B3GALT1: variants seen among roughly 807,000 people sequenced by gnomAD.
B3GALT1 encodes UDP-Gal:betaGlcNAc beta 1,3-galactosyltransferase, polypeptide 1.
B3GALT1 carries 10 observed loss-of-function variants against 23.2 expected under a neutral mutation model. The observed-to-expected ratio is 0.43, with a 90% CI of 0.27 to 0.73. The LOEUF is 0.73. B3GALT1 is among the 30% of genes least tolerant of loss of function. The pLI, the probability that B3GALT1 is intolerant of heterozygous loss-of-function variation, is 0.21. For missense variants in B3GALT1, 299 were observed against 405.4 expected (o/e 0.74, Z 2.25); for synonymous variants, 156 against 141.5 (o/e 1.10, Z -0.73).
intron 2 of B3GALT1, among the ~76,000 whole-genome samples, chr2:167,620,278 A>G (rs111267809): frequency 1.3e-3 from 205 of 152,268 alleles, no homozygotes; most frequent in African/African-American, 4.3e-3. Flanking sequence ...TGGCTAACCC[A>G]TAAATACAAA....
Position 167,555,543 on chromosome 2 carries a change from C to T in B3GALT1, c.-410+65266C>T, listed in dbSNP as rs759344971. Among the ~76,000 whole-genome samples the T allele has an allele frequency of 3.9e-5, 6 of 152,152 alleles. No individual in the cohort carries two copies. The South Asian group carries it at 8.3e-4, about 21-fold the overall frequency. On this transcript the variant is annotated intron_variant, in intron 2 of 4. Coordinates refer to ENST00000392690, the MANE Select transcript of B3GALT1 (RefSeq NM_020981.4). Reference sequence around the variant, plus strand: ...TTTTTGCTTACATTTTACTTTTATACACTGTTATAAAAGCTGCTTTCCAGG... The same window carrying T: ...TTTTTGCTTACATTTTACTTTTATATACTGTTATAAAAGCTGCTTTCCAGG...
chr2:167,717,138 T>C (rs1321179811), intron 3 of B3GALT1, among the ~76,000 whole-genome samples: 1 of 152,124 alleles, frequency 6.6e-6, no homozygotes. Flanking sequence ...TTGTCTTTCA[T>C]TTTTTCTTTC....
At chr2:167,776,798 A>G (rs1407537112) in intron 3 of B3GALT1, among the ~76,000 whole-genome samples, 1 of 152,228 alleles carries the variant, frequency 6.6e-6, no homozygotes, top group East Asian at 1.9e-4. Flanking sequence ...AGACTTGAGA[A>G]TAAGATTTAG....
intron 1 of B3GALT1, among the ~76,000 whole-genome samples, chr2:167,448,110 A>G (rs568015087): frequency 6.6e-6 from 1 of 152,182 alleles, no homozygotes; most frequent in South Asian, 2.1e-4. Context: ...TTTTTTGTAT[A>G]ATGACTTCTT....
chr2:167,856,638 C>G (rs1030475909), intron 4 of B3GALT1, among the ~76,000 whole-genome samples: 11 of 152,148 alleles, frequency 7.2e-5, no homozygotes, highest in Admixed American at 5.9e-4. Flanking sequence ...TCCAAAGCAG[C>G]TGACACCAGG....
At position 167,408,707 on chromosome 2, in the gene B3GALT1, G is replaced by GA. The variant is rs1698347331; in HGVS notation, c.-510-81463dup. On this transcript the variant is annotated intron_variant, in intron 1 of 4. Coordinates refer to ENST00000392690, the MANE Select transcript of B3GALT1 (RefSeq NM_020981.4). ...ATATATGGCCAACAGCAAACAATCA[G>GA]AAAAAAATCGAGAAACCAAGCCCAT... Among the ~76,000 whole-genome samples, 3 of 138,824 alleles carry GA rather than the reference G, an allele frequency of 2.2e-5. No individual in the cohort carries two copies. The Admixed American group carries it at 2.2e-4, about 10-fold the overall frequency. The allele number at this position is 138,824 out of a possible 152,430, so 91.1% of individuals were successfully genotyped here. A position where few individuals can be genotyped will look rare whatever the true frequency, so the allele number is the denominator to read the frequency against.
intron 3 of B3GALT1, among the ~76,000 whole-genome samples, chr2:167,783,767 A>G (rs561534168): frequency 5.9e-5 from 9 of 152,276 alleles, no homozygotes; most frequent in African/African-American, 2.2e-4. Flanking sequence ...TCGGTTTCAA[A>G]TGCCAAGTCC....
intron 2 of B3GALT1, among the ~76,000 whole-genome samples, chr2:167,634,612 A>AGT (rs1685515653): frequency 6.6e-6 from 1 of 152,162 alleles, no homozygotes; most frequent in African/African-American, 2.4e-5. Flanking sequence ...GAAACTTATA[A>AGT]ATTCCTGGAC....
At chr2:167,675,296 T>C (rs1478599894) in intron 3 of B3GALT1, among the ~76,000 whole-genome samples, 1 of 152,222 alleles carries the variant, frequency 6.6e-6, no homozygotes, top group Non-Finnish European at 1.5e-5. Flanking sequence ...TCACATTGGC[T>C]CTCAACGCTG....
intron 3 of B3GALT1, among the ~76,000 whole-genome samples, chr2:167,704,017 T>TA (rs1399311622): frequency 6.6e-6 from 1 of 151,678 alleles, no homozygotes; most frequent in Non-Finnish European, 1.5e-5. Flanking sequence ...CCGTCTCTAC[T>TA]AAAAATACAA....
chr2:167,454,978 C>T (rs938809121), intron 1 of B3GALT1, among the ~76,000 whole-genome samples: 2 of 152,212 alleles, frequency 1.3e-5, no homozygotes, highest in Non-Finnish European at 2.9e-5. Flanking sequence ...TAACGAGCAG[C>T]AGTAAGCCCA....
chr2:167,448,284 T>G (rs1699034526), intron 1 of B3GALT1, among the ~76,000 whole-genome samples: 1 of 152,192 alleles, frequency 6.6e-6, no homozygotes. Flanking sequence ...TGCCGACATC[T>G]GTTTTTTTTA....
intron 3 of B3GALT1, among the ~76,000 whole-genome samples, chr2:167,799,574 G>A (rs530836162): frequency 1.3e-5 from 2 of 152,134 alleles, no homozygotes; most frequent in African/African-American, 4.8e-5. Flanking sequence ...ATATTGCAAA[G>A]GATTGTTTTT....
At chr2:167,317,956 T>C (rs966413120) in intron 1 of B3GALT1, among the ~76,000 whole-genome samples, 10 of 152,146 alleles carry the variant, frequency 6.6e-5, no homozygotes, top group African/African-American at 1.4e-4. Flanking sequence ...CAAGATCATT[T>C]GCTTAGTTAT....
At chr2:167,529,426 T>C (rs1030550022) in intron 2 of B3GALT1, among the ~76,000 whole-genome samples, 3 of 151,800 alleles carry the variant, frequency 2.0e-5, no homozygotes, top group African/African-American at 7.2e-5. Flanking sequence ...TTCTTGACAT[T>C]TGCCTCTTTG....
At chr2:167,452,669 A>G (rs1574085359) in intron 1 of B3GALT1, among the ~76,000 whole-genome samples, 1 of 152,092 alleles carries the variant, frequency 6.6e-6, no homozygotes, top group Non-Finnish European at 1.5e-5. Flanking sequence ...GTCTCCACAC[A>G]TTGCTCTGTT....
intron 1 of B3GALT1, among the ~76,000 whole-genome samples, chr2:167,438,174 A>T (rs1232899359): frequency 6.6e-6 from 1 of 152,240 alleles, no homozygotes; most frequent in Non-Finnish European, 1.5e-5. Flanking sequence ...CTTTGTAAAA[A>T]GTTGTTGGAA....
chr2:167,404,346 G>A (rs977769411), intron 1 of B3GALT1, among the ~76,000 whole-genome samples: 15 of 152,128 alleles, frequency 9.9e-5, no homozygotes, highest in Admixed American at 5.2e-4. Flanking sequence ...TCAACATGAA[G>A]TTTGGAGGTG....
At chr2:167,582,610 T>C (rs1341372607) in intron 2 of B3GALT1, among the ~76,000 whole-genome samples, 3 of 152,184 alleles carry the variant, frequency 2.0e-5, no homozygotes, top group Admixed American at 6.5e-5. Flanking sequence ...TTTCCCTTTT[T>C]TATTTTGATC....
Sources: gnomAD v4.1 joint callset for allele counts (sites outside exome capture counted in the v4.1 genomes callset) on GRCh38, gnomAD v4.1.1 for gene constraint, MANE v1.5 for transcripts, NCBI Gene and HGNC (gene_info 2026-07-23, HGNC 2026-07-21) for gene names.